Variants in DPP10 observed in about 807,000 individuals in gnomAD.
DPP10 encodes inactive dipeptidyl peptidase 10.
In DPP10, 33 loss-of-function variants were observed where a neutral mutation model predicts 120.9. The ratio of observed to expected loss-of-function variants is 0.27; its 90% CI spans 0.21 to 0.37. DPP10 has a LOEUF of 0.37. Ranked by LOEUF, DPP10 falls within the 10% of genes least tolerant of loss-of-function variation. DPP10 has a pLI of 1.00. For synonymous variants in DPP10, 337 were observed against 326.1 expected (o/e 1.03, Z -0.36); for missense variants, 816 against 942.8 (o/e 0.87, Z 1.76).
chr2:115,698,370 G>C (rs1023388009), intron 7 of DPP10, among the ~76,000 whole-genome samples: 1 of 152,114 alleles, frequency 6.6e-6, no homozygotes, highest in African/African-American at 2.4e-5. Flanking sequence ...CAGTGTAAGC[G>C]GGAAGTAGCT....
chr2:115,176,711 A>G (rs984467726), intron 1 of DPP10, among the ~76,000 whole-genome samples: 1 of 152,228 alleles, frequency 6.6e-6, no homozygotes, highest in Non-Finnish European at 1.5e-5. Flanking sequence ...TAGAACTGTC[A>G]TCCTCACTTC....
chr2:114,615,367 T>G (rs886575377), intron 1 of DPP10, among the ~76,000 whole-genome samples: 2 of 152,152 alleles, frequency 1.3e-5, no homozygotes, highest in African/African-American at 4.8e-5. Context: ...TTAGACTCCC[T>G]GAGCTCTTGC....
Position 114,870,740 on chromosome 2 carries a change from G to T in DPP10, c.60+427902G>T, listed in dbSNP as rs575867604. 3.0e-5 allele frequency among the ~76,000 whole-genome samples: 4 copies of T among 135,560 alleles called. No individual in the cohort carries two copies. In the South Asian group the frequency reaches 9.3e-4, roughly 32 times the overall value. The allele number at this position is 135,560 out of a possible 152,430, so 88.9% of individuals were successfully genotyped here. A position where few individuals can be genotyped will look rare whatever the true frequency, so the allele number is the denominator to read the frequency against. On this transcript the variant is annotated intron_variant, in intron 1 of 25. Coordinates refer to ENST00000410059, the MANE Select transcript of DPP10 (RefSeq NM_020868.6). ...GGTAAGATAAGATTTACAAATAATG[G>T]AATATCTTTATTAACCCATGGAACT...
At chr2:115,448,283 A>G (rs1021381721) in intron 3 of DPP10, among the ~76,000 whole-genome samples, 2 of 152,214 alleles carry the variant, frequency 1.3e-5, no homozygotes, top group African/African-American at 4.8e-5. Context: ...ATTGGGTTCT[A>G]TCAGAATAAA....
intron 8 of DPP10, among the ~76,000 whole-genome samples, chr2:115,729,583 T>G (rs1032934966): frequency 6.6e-6 from 1 of 152,052 alleles, no homozygotes; most frequent in Admixed American, 6.6e-5. Context: ...CTAGACAAAA[T>G]AGCAAGGTTT....
intron 1 of DPP10, among the ~76,000 whole-genome samples, chr2:114,919,719 C>G (rs926559933): frequency 6.6e-6 from 1 of 152,180 alleles, no homozygotes; most frequent in Non-Finnish European, 1.5e-5. Context: ...TCTTCAATAA[C>G]TATTACAATC....
rs570543772 is a variant in DPP10 at position 115,243,768 on chromosome 2, A to T, written c.61-65471A>T. ...TTTTTCTTCTTGCTGGTTTTTTTTT[A>T]AACTATTTTTTTTTTCATCTAGCCA... On this transcript the variant is annotated intron_variant, in intron 1 of 25. Coordinates refer to ENST00000410059, the MANE Select transcript of DPP10 (RefSeq NM_020868.6). Among the ~76,000 whole-genome samples, 19 of 129,650 alleles carry T rather than the reference A, an allele frequency of 1.5e-4. No homozygotes were observed. In the East Asian group the frequency reaches 2.7e-3, roughly 19 times the overall value. The allele number at this position is 129,650 out of a possible 152,430, so 85.1% of individuals were successfully genotyped here. A position where few individuals can be genotyped will look rare whatever the true frequency, so the allele number is the denominator to read the frequency against.
intron 1 of DPP10, among the ~76,000 whole-genome samples, chr2:115,308,512 A>G (rs1287874560): frequency 6.6e-6 from 1 of 152,028 alleles, no homozygotes; most frequent in East Asian, 1.9e-4. Flanking sequence ...TATCTAGTCA[A>G]CACAGGAGAG....
chr2:114,731,131 G>T (rs771454706), intron 1 of DPP10, among the ~76,000 whole-genome samples: 14 of 151,712 alleles, frequency 9.2e-5, no homozygotes, highest in Non-Finnish European at 1.8e-4. Flanking sequence ...TTTGGGTTTG[G>T]AATTCACAGC....
chr2:114,763,005 C>T (rs180914322), intron 1 of DPP10, among the ~76,000 whole-genome samples: 98 of 152,212 alleles, frequency 6.4e-4, no homozygotes, highest in African/African-American at 2.2e-3. Context: ...GGGAAAAACA[C>T]TTCACTCAGA....
intron 1 of DPP10, among the ~76,000 whole-genome samples, chr2:115,005,379 C>T (rs867454079): frequency 2.2e-4 from 34 of 152,188 alleles, no homozygotes; most frequent in African/African-American, 7.2e-4. Flanking sequence ...ATGACTTTGA[C>T]GAGCTGAGAG....
chr2:115,113,090 T>C (rs546654185), intron 1 of DPP10, among the ~76,000 whole-genome samples: 2 of 152,202 alleles, frequency 1.3e-5, no homozygotes, highest in East Asian at 3.9e-4. Flanking sequence ...GTGTGTGTGG[T>C]ATATTTGTGT....
At chr2:115,163,392 A>G (rs2052588585) in intron 1 of DPP10, among the ~76,000 whole-genome samples, 1 of 152,048 alleles carries the variant, frequency 6.6e-6, no homozygotes, top group Non-Finnish European at 1.5e-5. Context: ...GGGATTACTC[A>G]ATGACTTACA....
At chr2:115,183,959 G>C (rs1311630680) in intron 1 of DPP10, among the ~76,000 whole-genome samples, 1 of 152,146 alleles carries the variant, frequency 6.6e-6, no homozygotes, top group Non-Finnish European at 1.5e-5. Flanking sequence ...AGAGCTCCTG[G>C]GGGAGACAGG....
At chr2:115,335,251 A>G (rs926865980) in intron 2 of DPP10, among the ~76,000 whole-genome samples, 1 of 152,054 alleles carries the variant, frequency 6.6e-6, no homozygotes, top group African/African-American at 2.4e-5. Flanking sequence ...ACATGTGGGA[A>G]TTGTGGGAGT....
intron 1 of DPP10, among the ~76,000 whole-genome samples, chr2:115,176,300 A>G (rs1224166762): frequency 6.8e-6 from 1 of 147,802 alleles, no homozygotes; most frequent in Admixed American, 6.8e-5. Flanking sequence ...ATTTATATAT[A>G]AATATATATT....
chr2:114,626,917 T>G lies in DPP10; in HGVS notation c.60+184079T>G, dbSNP rs183806094. 2.7e-3 allele frequency among the ~76,000 whole-genome samples: 415 copies of G among 152,234 alleles called. 8 individuals are homozygous for G. The highest frequency in any genetic ancestry group is 0.025 in the Admixed American group (381 of 15,260). ...ACATTTTCCGTGTGGTAGCATATTCTTCCTATTTTCATTTTAATGGCTGCA... is the reference window on the plus strand; with the variant it reads ...ACATTTTCCGTGTGGTAGCATATTCGTCCTATTTTCATTTTAATGGCTGCA... On this transcript the variant is annotated intron_variant, in intron 1 of 25. Transcript: ENST00000410059.
At chr2:114,740,988 T>G (rs554066280) in intron 1 of DPP10, among the ~76,000 whole-genome samples, 1 of 152,248 alleles carries the variant, frequency 6.6e-6, no homozygotes, top group Non-Finnish European at 1.5e-5. Context: ...CCAAATTAAA[T>G]AGTTTATTTC....
At chr2:114,579,280 G>A (rs1199732110) in intron 1 of DPP10, among the ~76,000 whole-genome samples, 1 of 152,176 alleles carries the variant, frequency 6.6e-6, no homozygotes, top group African/African-American at 2.4e-5. Context: ...GTGAGGGAGT[G>A]GAGTGAACTG....
Sources: gnomAD v4.1 joint callset for allele counts (sites outside exome capture counted in the v4.1 genomes callset) on GRCh38, gnomAD v4.1.1 for gene constraint, MANE v1.5 for transcripts, NCBI Gene and HGNC (gene_info 2026-07-23, HGNC 2026-07-21) for gene names.